The following MGST1 variants were observed in gnomAD, a reference collection of about 807,000 sequenced individuals.
The protein encoded by MGST1 is glutathione S-transferase 12.
MGST1 carries 5 observed loss-of-function variants against 8.9 expected under a neutral mutation model. The ratio of observed to expected loss-of-function variants is 0.56; its 90% CI spans 0.29 to 1.19. MGST1 has a LOEUF of 1.19. Ranked by LOEUF, MGST1 falls within the 50% of genes most tolerant of loss-of-function variation. MGST1 has a pLI of 0.08. For synonymous variants in MGST1, 54 were observed against 67.8 expected (o/e 0.80, Z 1.00); for missense variants, 182 against 187.4 (o/e 0.97, Z 0.17).
At chr12:16,498,405 C>T (rs997412888) in intron 4 of MGST1, among the ~76,000 whole-genome samples, 1 of 152,112 alleles carries the variant, frequency 6.6e-6, no homozygotes, top group African/African-American at 2.4e-5. Context: ...ACTGTGATAC[C>T]AAGAAACAGA....
At chr12:16,588,007 T>C (rs1360095627) in intron 4 of MGST1, among the ~76,000 whole-genome samples, 1 of 152,154 alleles carries the variant, frequency 6.6e-6, no homozygotes, top group Non-Finnish European at 1.5e-5. Context: ...TGTCTTTCTC[T>C]TACGACTTCT....
At chr12:16,450,868 G>A (rs956271089) in intron 4 of MGST1, among the ~76,000 whole-genome samples, 3 of 151,076 alleles carry the variant, frequency 2.0e-5, no homozygotes, top group Admixed American at 1.3e-4. Context: ...GTGTGTGTGT[G>A]TGTGTGTGTC....
chr12:16,558,010 G>A (rs2137308052), intron 4 of MGST1, among the ~76,000 whole-genome samples: 1 of 152,128 alleles, frequency 6.6e-6, no homozygotes, highest in Non-Finnish European at 1.5e-5. Context: ...TCTGATGATA[G>A]AAGACATATG....
chr12:16,398,675 G>T (rs10846357), intron 1 of MGST1, among the ~76,000 whole-genome samples: 59,034 of 152,130 alleles, frequency 0.39, 11,565 homozygotes, highest in East Asian at 0.53. Context: ...TAAGGCAGCA[G>T]ATATACCTCA....
At chr12:16,484,696 G>T (rs1277584524) in intron 4 of MGST1, among the ~76,000 whole-genome samples, 1 of 151,950 alleles carries the variant, frequency 6.6e-6, no homozygotes, top group Non-Finnish European at 1.5e-5. Flanking sequence ...TGAGAACTTA[G>T]TGTCATGAGA....
chr12:16,459,052 G>A (rs2137122442), intron 4 of MGST1, among the ~76,000 whole-genome samples: 1 of 152,098 alleles, frequency 6.6e-6, no homozygotes, highest in East Asian at 1.9e-4. Context: ...AACGACAAAA[G>A]TCTATTAAAA....
At chr12:16,381,028 A>T (rs548721667), downstream of MGST1, among the ~76,000 whole-genome samples, 4 of 152,202 alleles carry the variant, frequency 2.6e-5, no homozygotes, top group East Asian at 7.7e-4. Context: ...TTTTGAGCCT[A>T]TGTGTGTCTC....
chr12:16,436,574 A>G (rs996479660), intron 1 of MGST1, among the ~76,000 whole-genome samples: 1 of 152,046 alleles, frequency 6.6e-6, no homozygotes, highest in African/African-American at 2.4e-5. Flanking sequence ...AAACAGTAAA[A>G]GGAAGTATTT....
At chr12:16,353,757 C>CTTTTTTTTT (rs11387725) in intron 1 of MGST1, among the ~76,000 whole-genome samples, 1 of 111,492 alleles carries the variant, frequency 9.0e-6, no homozygotes, top group Non-Finnish European at 1.8e-5. Flanking sequence ...ATATTGCATA[C>CTTTTTTTTT]TTTTTTTTTT....
chr12:16,534,774 C>T (rs576941626), intron 4 of MGST1, among the ~76,000 whole-genome samples: 2 of 152,056 alleles, frequency 1.3e-5, no homozygotes, highest in East Asian at 3.9e-4. Flanking sequence ...CTTGAACGTT[C>T]TTTTTTATTT....
Position 16,587,808 on chromosome 12 carries a change from G to A in MGST1, n.483-1720G>A, listed in dbSNP as rs908449354. ...AAAATCTCACTGTGTCCTGAATGGG[G>A]GGTTTCAGGGGGAGGGAGAGGAACC... On this transcript the variant is annotated intron_variant and non_coding_transcript_variant, in intron 4 of 4. Transcript: ENST00000538857. This position sits in a 1 kb window ranked among gnomAD's most constrained non-coding sequence, Gnocchi z 4.3. Among the ~76,000 whole-genome samples the A allele has an allele frequency of 6.6e-6, 1 of 151,844 alleles. No individual in the cohort carries two copies. Among genetic ancestry groups the A allele is most frequent in the African/African-American group, 2.4e-5 (1 of 41,394 alleles).
At chr12:16,360,115 G>A (rs1156929555) in intron 3 of MGST1, among the ~76,000 whole-genome samples, 2 of 152,138 alleles carry the variant, frequency 1.3e-5, no homozygotes, top group African/African-American at 4.8e-5. Flanking sequence ...CGCATACTGA[G>A]AGAAGAGCGT....
chr12:16,360,419 T>C, intron 3 of MGST1: 1 of 953,556 alleles, frequency 1.0e-6, no homozygotes, highest in Non-Finnish European at 1.2e-6. Flanking sequence ...CATACACATA[T>C]GGAACAATTA....
intron 4 of MGST1, among the ~76,000 whole-genome samples, chr12:16,512,626 T>G (rs1941584202): frequency 6.6e-6 from 1 of 152,214 alleles, no homozygotes; most frequent in South Asian, 2.1e-4. Flanking sequence ...AAATATGAAA[T>G]CTTTATATAG....
exon 2 of MGST1, chr12:16,437,915 A>T (rs1941002587): frequency 6.6e-6 from 1 of 151,942 alleles, no homozygotes; most frequent in Non-Finnish European, 1.5e-5. Flanking sequence ...ATTCCTGGGT[A>T]TCTTTCCTCT....
chr12:16,591,372 T>C (rs1042036843), downstream of MGST1, among the ~76,000 whole-genome samples: 2 of 152,046 alleles, frequency 1.3e-5, no homozygotes, highest in South Asian at 4.1e-4. The surrounding 1 kb of genome is among the most constrained non-coding windows in gnomAD (Gnocchi z 4.1). Flanking sequence ...TGAGGCTGTC[T>C]GCACCCCCTC....
chr12:16,583,160 T>G (rs1943219002), intron 4 of MGST1, among the ~76,000 whole-genome samples: 1 of 152,070 alleles, frequency 6.6e-6, no homozygotes, highest in African/African-American at 2.4e-5. Flanking sequence ...GACTGTAAGA[T>G]GATCCCGGAT....
chr12:16,510,790 A>G (rs1312949534), intron 4 of MGST1, among the ~76,000 whole-genome samples: 7 of 152,218 alleles, frequency 4.6e-5, no homozygotes, highest in Admixed American at 4.6e-4. Context: ...GGTTCGAAGG[A>G]TGACTTAGTC....
exon 4 of MGST1, chr12:16,377,119 A>T (rs1307856292): frequency 2.0e-5 from 3 of 152,008 alleles, no homozygotes; most frequent in African/African-American, 7.2e-5. Context: ...GCACTTTTCA[A>T]ATACTCCAGT....
Sources: gnomAD v4.1 joint callset for allele counts (sites outside exome capture counted in the v4.1 genomes callset) on GRCh38, gnomAD v4.1.1 for gene constraint, Gnocchi (gnomAD v3.1) non-coding constraint, MANE v1.5 for transcripts, NCBI Gene and HGNC (gene_info 2026-07-23, HGNC 2026-07-21) for gene names.